The following BLTP1 variants were observed in gnomAD, a reference collection of about 807,000 sequenced individuals.
The protein encoded by BLTP1 is bridge-like lipid transfer protein family member 1.
the BLTP1 span, chr4:122,250,857 A>G: frequency 1.5e-5 from 13 of 849,126 alleles, no homozygotes; most frequent in Non-Finnish European, 1.7e-5. Flanking sequence ...TAAATTAACA[A>G]AATTTAAGAG....
chr4:122,216,120 T>TATCTATC, the BLTP1 span, among the ~76,000 whole-genome samples: 1 of 151,770 alleles, frequency 6.6e-6, no homozygotes, highest in Admixed American at 6.6e-5. Context: ...TCTATCTATC[T>TATCTATC]ATCTATCTAT....
chr4:122,309,068 T>G, the BLTP1 span: 1 of 265,744 alleles, frequency 3.8e-6, no homozygotes, highest in African/African-American at 2.3e-5. Context: ...GTATGTTAAG[T>G]AAGAAAAAAA....
At chr4:122,200,067 A>G in the BLTP1 span, 1 of 964,558 alleles carries the variant, frequency 1.0e-6, no homozygotes, top group Non-Finnish European at 1.2e-6. Flanking sequence ...TTCATATAAG[A>G]TGGTGCCATA....
the BLTP1 span, chr4:122,224,067 T>TC: frequency 1.0e-6 from 1 of 982,990 alleles, no homozygotes; most frequent in Admixed American, 6.1e-5. Context: ...AGTTTACTTT[T>TC]CCCCACCATT....
the BLTP1 span, chr4:122,198,323 A>G: frequency 1.0e-6 from 1 of 985,352 alleles, no homozygotes; most frequent in Non-Finnish European, 1.2e-6. Context: ...GTGCTAATTC[A>G]GAGTACGCAG....
At chr4:122,183,503 C>T in the BLTP1 span, 1 of 985,154 alleles carries the variant, frequency 1.0e-6, no homozygotes, top group Non-Finnish European at 1.2e-6. Flanking sequence ...CCATCCTTTC[C>T]ACAAGCTGCA....
At chr4:122,237,571 G>A in the BLTP1 span, 1 of 548,580 alleles carries the variant, frequency 1.8e-6, no homozygotes. Context: ...ATTCTTGAAA[G>A]TTTTCTGTAA....
the BLTP1 span, among the ~76,000 whole-genome samples, chr4:122,171,387 G>C: frequency 6.6e-6 from 1 of 152,064 alleles, no homozygotes; most frequent in Non-Finnish European, 1.5e-5. Flanking sequence ...AAGTTTTCAT[G>C]GGAGAATGGT....
chr4:122,223,037 C>G, the BLTP1 span: 9 of 850,416 alleles, frequency 1.1e-5, no homozygotes, highest in Admixed American at 4.4e-4. Flanking sequence ...CAGAAGATAA[C>G]TTTCTTGACC....
At chr4:122,255,346 C>G in the BLTP1 span, 1 of 1,174,444 alleles carries the variant, frequency 8.5e-7, no homozygotes, top group Non-Finnish European at 1.3e-6. Flanking sequence ...ACCACTGATA[C>G]ACAGGGTTTG....
the BLTP1 span, among the ~76,000 whole-genome samples, chr4:122,326,078 A>G: frequency 2.0e-5 from 3 of 151,592 alleles, no homozygotes; most frequent in Admixed American, 6.6e-5. Context: ...TCTTGCATGC[A>G]TTTGTCTTGG....
chr4:122,307,976 C>A, the BLTP1 span: 1 of 1,613,110 alleles, frequency 6.2e-7, no homozygotes, highest in Non-Finnish European at 8.5e-7. Flanking sequence ...AATTATAAGG[C>A]CGCCTATGAC....
chr4:122,309,790 G>A, the BLTP1 span, among the ~76,000 whole-genome samples: 1 of 151,940 alleles, frequency 6.6e-6, no homozygotes, highest in African/African-American at 2.4e-5. Flanking sequence ...TGATAAATGT[G>A]CAATATCCAA....
the BLTP1 span, chr4:122,200,375 C>T: frequency 3.2e-5 from 22 of 680,456 alleles, no homozygotes; most frequent in Admixed American, 6.3e-5. Context: ...GTCAGGAGTT[C>T]GAGACCAGCC....
chr4:122,271,312 A>G, the BLTP1 span: 1 of 1,613,980 alleles, frequency 6.2e-7, no homozygotes, highest in South Asian at 1.1e-5. Flanking sequence ...AACTTAGCAG[A>G]TATACAGCCG....
the BLTP1 span, chr4:122,262,612 G>A: frequency 4.6e-6 from 4 of 860,588 alleles, no homozygotes; most frequent in African/African-American, 5.1e-5. Flanking sequence ...ATGTAAAAAG[G>A]ATTCACCACA....
the BLTP1 span, chr4:122,209,006 A>G: frequency 1.8e-6 from 1 of 550,426 alleles, no homozygotes; most frequent in Non-Finnish European, 2.3e-6. Flanking sequence ...AAAAAAAAAG[A>G]TAAATAATAC....
the BLTP1 span, chr4:122,336,396 G>GGGA: frequency 7.5e-7 from 1 of 1,332,266 alleles, no homozygotes; most frequent in Non-Finnish European, 1.0e-6. Flanking sequence ...ATATATTTTG[G>GGGA]GATCTTATTA....
chr4:122,346,957 A>G, the BLTP1 span: 1 of 845,076 alleles, frequency 1.2e-6, no homozygotes, highest in Non-Finnish European at 1.4e-6. Flanking sequence ...CCAAAAAGAC[A>G]AAAAGTTTTG....
Sources: gnomAD v4.1 joint callset for allele counts (sites outside exome capture counted in the v4.1 genomes callset) on GRCh38, gnomAD v4.1.1 for gene constraint, MANE v1.5 for transcripts, NCBI Gene and HGNC (gene_info 2026-07-23, HGNC 2026-07-21) for gene names.